The following CDKN2B variants were observed in gnomAD, a reference collection of about 807,000 sequenced individuals.
The protein encoded by CDKN2B is cyclin-dependent kinase 4 inhibitor B.
CDKN2B carries 8 observed loss-of-function variants against 7.7 expected under a neutral mutation model. The observed-to-expected ratio is 1.04, with a 90% CI of 0.61 to 1.87. The LOEUF is 1.87. Ranked by LOEUF, CDKN2B falls within the 40% of genes most tolerant of loss-of-function variation. The probability of loss-of-function intolerance (pLI) is 0.00; values close to 1 mark genes in which losing one functional copy is unlikely to be tolerated. For synonymous variants in CDKN2B, 93 were observed against 95.8 expected, an observed-to-expected ratio of 0.97 and a Z score of 0.17; for missense variants, 244 against 213.1, an observed-to-expected ratio of 1.15 and a Z score of -0.90.
chr9:22,003,605 T>A lies in CDKN2B; in HGVS notation c.*2382A>T, dbSNP rs1821026434. The stretch of plus-strand genomic sequence containing the variant: ...GTTTTCTAATAATTGTAAAATACTG[T>A]AACTTTAAAAATATTATTCTTGTAG... On this transcript the variant is annotated 3_prime_UTR_variant, in exon 2 of 2. Transcript: ENST00000276925. The A allele has an allele frequency of 4.4e-6, 1 of 229,780 alleles. No individual in the cohort carries two copies. Among genetic ancestry groups the A allele is most frequent in the African/African-American group, 2.2e-5 (1 of 45,290 alleles). The allele number at this position is 229,780 out of a possible 1,614,324, so 14.2% of individuals were successfully genotyped here. A position where few individuals can be genotyped will look rare whatever the true frequency, so the allele number is the denominator to read the frequency against.
Position 22,008,736 on chromosome 9 carries a change from C to T in CDKN2B, c.156+62G>A, listed in dbSNP as rs768633034. The T allele has an allele frequency of 3.7e-6, 6 of 1,610,670 alleles. No individual in the cohort carries two copies. The Admixed American group carries it at 5.0e-5, about 13-fold the overall frequency. ...GGCGATCTAGGTTCCAGCCCCGATC[C>T]GCCGAGGCCGCGCCCCGCGTTCGCG... is the stretch of plus-strand genomic sequence containing the variant. On this transcript the variant is annotated intron_variant, in intron 1 of 1. Transcript: ENST00000276925.
Position 22,009,006 on chromosome 9 carries a change from C to T in CDKN2B, c.-53G>A, listed in dbSNP as rs958472006. 2.5e-6 allele frequency: 4 copies of T among 1,611,330 alleles called. No individual in the cohort carries two copies. The African/African-American group carries it at 4.0e-5, about 16-fold the overall frequency. ...CGGATAATCCACCGTTGGCCGTAAA[C>T]TTAACGACACTCTTCCCTTCTTTCC... is the stretch of plus-strand genomic sequence containing the variant. On this transcript the variant is annotated 5_prime_UTR_variant, in exon 1 of 2. Coordinates refer to ENST00000276925, the MANE Select transcript of CDKN2B (RefSeq NM_004936.4).
rs546316312 is a variant in CDKN2B, at chr9:22,006,946, T to C, written c.157-699A>G. ...TAAATGATTTTTCCTTAACAGTTCA[T>C]CATTTTAAATTTAGACTATAATATT... On this transcript the variant is annotated intron_variant, in intron 1 of 1. Transcript: ENST00000276925. The surrounding 1 kb of genome is among the most constrained non-coding windows in gnomAD (Gnocchi z 6.4). Among the ~76,000 whole-genome samples, 121 of 152,206 alleles carry C rather than the reference T, an allele frequency of 7.9e-4. No homozygotes were observed. The highest frequency in any genetic ancestry group is 2.7e-3 in the African/African-American group (114 of 41,532).
At position 22,009,098 on chromosome 9, in the gene CDKN2B, T is replaced by C. The variant is rs1334588604; in HGVS notation, c.-145A>G. On this transcript the variant is annotated 5_prime_UTR_variant, in exon 1 of 2. Coordinates refer to ENST00000276925, the MANE Select transcript of CDKN2B (RefSeq NM_004936.4). ...GCTCAGCTTCATTACCCTCCCGTCGTCCTTCTGCGGCTTGGGGCCCCGTGC... is the reference window on the plus strand; with the variant it reads ...GCTCAGCTTCATTACCCTCCCGTCGCCCTTCTGCGGCTTGGGGCCCCGTGC... 12 of 1,283,722 alleles carry C rather than the reference T, an allele frequency of 9.3e-6. No homozygotes were observed. In the Admixed American group the frequency reaches 2.4e-4, roughly 26 times the overall value. 79.5% of individuals were successfully genotyped at this position (1,283,722 alleles called of 1,614,324 possible).
chr9:22,005,608 A>G lies in CDKN2B; in HGVS notation c.*379T>C, dbSNP rs994612734. On this transcript the variant is annotated 3_prime_UTR_variant, in exon 2 of 2. Transcript: ENST00000276925. The surrounding 1 kb of genome is among the most constrained non-coding windows in gnomAD (Gnocchi z 4.9). ...CAAGTGCTAATCACTGCCTTCTCCC[A>G]CTCAGCGCTGGAGTGGGAGATTCAT... 4.6e-6 allele frequency: 2 copies of G among 438,396 alleles called. No individual in the cohort carries two copies. The highest frequency in any genetic ancestry group is 3.6e-5 in the Admixed American group (1 of 27,452). 27.2% of individuals were successfully genotyped at this position (438,396 alleles called of 1,614,324 possible).
At chr9:22,008,748 G>A (rs1440269017) in intron 1 of CDKN2B, 50 bp downstream of exon 1, 1 of 1,610,374 alleles carries the variant, frequency 6.2e-7, no homozygotes. Context: ...CCGAGGCCGC[G>A]CCCCGCGTTC....
Position 22,005,960 on chromosome 9 carries a change from C to T in CDKN2B, c.*27G>A, listed in dbSNP as rs761761620. ...GGGAAATTGGGTAAGAAAATAAAGT[C>T]GTTGTGGGCGGCTGGGGAACCTGGC... On this transcript the variant is annotated 3_prime_UTR_variant, in exon 2 of 2. Coordinates refer to ENST00000276925, the MANE Select transcript of CDKN2B (RefSeq NM_004936.4). The surrounding 1 kb of genome is among the most constrained non-coding windows in gnomAD (Gnocchi z 4.9). 3 of 1,598,336 alleles carry T rather than the reference C, an allele frequency of 1.9e-6. No homozygotes were observed. The highest frequency in any genetic ancestry group is 3.3e-5 in the Admixed American group (2 of 59,890).
Position 22,009,053 on chromosome 9 carries a change from CTCCT to C in CDKN2B, c.-104_-101del. On this transcript the variant is annotated 5_prime_UTR_variant, in exon 1 of 2. The change abolishes the stop of an existing upstream ORF in the 5' untranslated region. Coordinates refer to ENST00000276925, the MANE Select transcript of CDKN2B (RefSeq NM_004936.4). The stretch of plus-strand genomic sequence containing the variant: ...TTCCCACGCTGCTCCGGCGCACTCT[CTCCT>C]TCCTAGGAGACCTGGGCTCAGCTTC... 6.4e-7 allele frequency: 1 copy of C among 1,566,058 alleles called. No individual in the cohort carries two copies. The highest frequency in any genetic ancestry group is 8.8e-7 in the Non-Finnish European group (1 of 1,140,140).
chr9:22,006,241 T>C lies in CDKN2B; in HGVS notation c.163A>G (p.Met55Val). The change falls in exon 2 of 2, where the codon ATG becomes GTG. Residue 55 changes from methionine (M) to valine (V), a missense_variant. By Grantham distance (21) the Met-to-Val change is conservative (BLOSUM62 1). Transcript: ENST00000276925. The surrounding 1 kb of genome is among the most constrained non-coding windows in gnomAD (Gnocchi z 6.4). ...TCCGCCACGCGGGCGCTGCCCATCA[T>C]CATGACCTGCCAGAGAGAGCAGAGT... Reference protein sequence around the residue: ...RFGRRAIQVMMMGSARVAELL... With the variant: ...RFGRRAIQVMVMGSARVAELL... 1 of 1,605,308 alleles carries C rather than the reference T, an allele frequency of 6.2e-7. No individual in the cohort carries two copies. Among genetic ancestry groups the C allele is most frequent in the Non-Finnish European group, 8.5e-7 (1 of 1,179,896 alleles).
Position 22,004,478 on chromosome 9 carries a change from A to G in CDKN2B, c.*1509T>C. On this transcript the variant is annotated 3_prime_UTR_variant, in exon 2 of 2. Coordinates refer to ENST00000276925, the MANE Select transcript of CDKN2B (RefSeq NM_004936.4). Reference sequence around the variant, plus strand: ...ATTATTACAAACATTGAGAGAAGGGAACCCCTGTGAACCTTTAACATTTCT... The same window carrying G: ...ATTATTACAAACATTGAGAGAAGGGGACCCCTGTGAACCTTTAACATTTCT... 4.3e-6 allele frequency: 1 copy of G among 232,680 alleles called. No individual in the cohort carries two copies. The highest frequency in any genetic ancestry group is 1.3e-3 in the Middle Eastern group (1 of 782). The allele number at this position is 232,680 out of a possible 1,614,324, so 14.4% of individuals were successfully genotyped here. A position where few individuals can be genotyped will look rare whatever the true frequency, so the allele number is the denominator to read the frequency against.
Position 22,005,791 on chromosome 9 carries a change from G to A in CDKN2B, c.*196C>T. ...GTTTCGCTTCATGGTGAGTGTCGAG[G>A]GCCAGATAAGACAAAGAAAAAAATG... On this transcript the variant is annotated 3_prime_UTR_variant, in exon 2 of 2. Transcript: ENST00000276925. The surrounding 1 kb of genome is among the most constrained non-coding windows in gnomAD (Gnocchi z 4.9). 1 of 675,768 alleles carries A rather than the reference G, an allele frequency of 1.5e-6. No homozygotes were observed. Among genetic ancestry groups the A allele is most frequent in the Non-Finnish European group, 2.5e-6 (1 of 393,034 alleles). The allele number at this position is 675,768 out of a possible 1,614,324, so 41.9% of individuals were successfully genotyped here. A position where few individuals can be genotyped will look rare whatever the true frequency, so the allele number is the denominator to read the frequency against.
Position 22,006,278 on chromosome 9 carries a change from G to C in CDKN2B, c.157-31C>G. ...AGAGAGAGCAGAGTGGTCAGAGCCAGGGTGGGGGCAGGTATGGGAGATGCC... is the reference window on the plus strand; with the variant it reads ...AGAGAGAGCAGAGTGGTCAGAGCCACGGTGGGGGCAGGTATGGGAGATGCC... On this transcript the variant is annotated intron_variant, in intron 1 of 1. Coordinates refer to ENST00000276925, the MANE Select transcript of CDKN2B (RefSeq NM_004936.4). The surrounding 1 kb of genome is among the most constrained non-coding windows in gnomAD (Gnocchi z 6.4). The C allele has an allele frequency of 6.2e-7, 1 of 1,600,326 alleles. No homozygotes were observed. The highest frequency in any genetic ancestry group is 8.5e-7 in the Non-Finnish European group (1 of 1,179,806).
intron 1 of CDKN2B, among the ~76,000 whole-genome samples, chr9:22,008,255 G>A (rs1400682200): frequency 6.6e-6 from 1 of 152,108 alleles, no homozygotes. Context: ...TTTCTCTTAT[G>A]CATCACTCAT....
intron 1 of CDKN2B, chr9:22,008,545 A>G (rs1821307308): frequency 1.4e-5 from 13 of 924,318 alleles, no homozygotes; most frequent in Non-Finnish European, 3.2e-6. Context: ...AATTCAGTCT[A>G]TTCCTTGCAT....
At position 22,006,300 on chromosome 9, in the gene CDKN2B, TGCCG is replaced by T. The variant is rs1352825304; in HGVS notation, c.157-57_157-54del. The stretch of plus-strand genomic sequence containing the variant: ...CCAGGGTGGGGGCAGGTATGGGAGA[TGCCG>T]GCCGGGGCAAGGCAGGTGGAGCCAT... On this transcript the variant is annotated intron_variant, in intron 1 of 1. Transcript: ENST00000276925. The surrounding 1 kb of genome is among the most constrained non-coding windows in gnomAD (Gnocchi z 6.4). 6.9e-6 allele frequency: 11 copies of T among 1,597,822 alleles called. No individual in the cohort carries two copies. Among genetic ancestry groups the T allele is most frequent in the African/African-American group, 1.3e-5 (1 of 74,880 alleles).
intron 1 of CDKN2B, 101 bp downstream of exon 1, chr9:22,008,697 T>C: frequency 6.2e-7 from 1 of 1,611,166 alleles, no homozygotes; most frequent in East Asian, 2.2e-5. Context: ...GAGACTCCTG[T>C]ACAAATCTAC....
At position 22,006,693 on chromosome 9, in the gene CDKN2B, G is replaced by A. The variant is rs1821206899; in HGVS notation, c.157-446C>T. Among the ~76,000 whole-genome samples, 1 of 151,916 alleles carries A rather than the reference G, an allele frequency of 6.6e-6. No homozygotes were observed. Among genetic ancestry groups the A allele is most frequent in the African/African-American group, 2.4e-5 (1 of 41,358 alleles). ...AATATTTATTAGGTAGTCAACTACT[G>A]TTTGTTAGAAGTTGGGAGTAATGGT... is the stretch of plus-strand genomic sequence containing the variant. On this transcript the variant is annotated intron_variant, in intron 1 of 1. Transcript: ENST00000276925. The surrounding 1 kb of genome is among the most constrained non-coding windows in gnomAD (Gnocchi z 6.4).
intron 1 of CDKN2B, 70 bp downstream of exon 1, chr9:22,008,728 C>A: frequency 6.2e-7 from 1 of 1,610,836 alleles, no homozygotes; most frequent in Non-Finnish European, 8.5e-7. Context: ...TAGGTTCCAG[C>A]CCCGATCCGC....
chr9:22,004,999 TTA>T lies in CDKN2B; in HGVS notation c.*986_*987del, dbSNP rs1465954259. On this transcript the variant is annotated 3_prime_UTR_variant, in exon 2 of 2. Transcript: ENST00000276925. ...TCACATTTTAACTGAGAGCCACTAG[TTA>T]TGTTACTTAAAATCTCCCCATTAAA... The T allele has an allele frequency of 1.3e-5, 3 of 233,318 alleles. No individual in the cohort carries two copies. Among genetic ancestry groups the T allele is most frequent in the Non-Finnish European group, 2.5e-5 (3 of 118,068 alleles). 14.5% of individuals were successfully genotyped at this position (233,318 alleles called of 1,614,324 possible). A position where few individuals can be genotyped will look rare whatever the true frequency, so the allele number is the denominator to read the frequency against.
Sources: allele counts gnomAD v4.1 joint callset (sites outside exome capture counted in the v4.1 genomes callset), GRCh38; gene constraint gnomAD v4.1.1; non-coding constraint Gnocchi (gnomAD v3.1); transcripts MANE v1.5; gene names NCBI Gene and HGNC (gene_info 2026-07-23, HGNC 2026-07-21).